The following AGPS variants were observed in gnomAD, a reference collection of about 807,000 sequenced individuals.
AGPS encodes alkylglycerone phosphate synthase, also known as alkyldihydroxyacetonephosphate synthase, peroxisomal.
Under a neutral mutation model 90.7 loss-of-function variants are expected in AGPS, and 26 were observed. That is an observed-to-expected ratio of 0.29 (90% CI 0.21 to 0.40). The LOEUF is 0.40. Ranked by LOEUF, AGPS falls within the 10% of genes least tolerant of loss-of-function variation. The pLI, the probability that AGPS is intolerant of heterozygous loss-of-function variation, is 1.00. For missense variants in AGPS, 540 were observed against 816.1 expected, an observed-to-expected ratio of 0.66 and a Z score of 4.12; for synonymous variants, 294 against 285.3, an observed-to-expected ratio of 1.03 and a Z score of -0.31.
chr2:177,462,747 T>TTAC (rs1687337466), intron 9 of AGPS, among the ~76,000 whole-genome samples: 1 of 152,230 alleles, frequency 6.6e-6, no homozygotes, highest in Non-Finnish European at 1.5e-5. Flanking sequence ...TACATTGTAT[T>TTAC]ATTCATAAAT....
At chr2:177,487,294 A>G (rs76732240) in intron 11 of AGPS, among the ~76,000 whole-genome samples, 67 of 152,242 alleles carry the variant, frequency 4.4e-4, no homozygotes, top group African/African-American at 1.6e-3. Flanking sequence ...GGTATTGATT[A>G]GTACTCATTC....
At position 177,491,758 on chromosome 2, in the gene AGPS, CT is replaced by C. The variant is rs1220177808; in HGVS notation, c.1234-1388del. Among the ~76,000 whole-genome samples, 125 of 71,392 alleles carry C rather than the reference CT, an allele frequency of 1.8e-3. 1 individual carries two copies. The highest frequency in any genetic ancestry group is 6.4e-3 in the African/African-American group (116 of 18,082). 46.8% of individuals were successfully genotyped at this position (71,392 alleles called of 152,430 possible). ...ACTACACTAAATGTAATATACTTTC[CT>C]TCCCCCCCCCCCCCTTTTTTTTCAT... On this transcript the variant is annotated intron_variant, in intron 11 of 19. Coordinates refer to ENST00000264167, the MANE Select transcript of AGPS (RefSeq NM_003659.4).
chr2:177,421,545 T>C (rs1323100216), intron 2 of AGPS, among the ~76,000 whole-genome samples: 1 of 151,192 alleles, frequency 6.6e-6, no homozygotes, highest in East Asian at 1.9e-4. Context: ...TACATTTGAC[T>C]TTTTTTTTAA....
chr2:177,442,501 G>A lies in AGPS; in HGVS notation c.789+15G>A. The A allele has an allele frequency of 6.4e-7, 1 of 1,572,170 alleles. No homozygotes were observed. The highest frequency in any genetic ancestry group is 8.8e-7 in the Non-Finnish European group (1 of 1,142,424). On this transcript the variant is annotated intron_variant, in intron 7 of 19. Coordinates refer to ENST00000264167, the MANE Select transcript of AGPS (RefSeq NM_003659.4). ...CTTCACAAATGGTATTTAATAATTT[G>A]AGATATATTTAAAACATTTTCTTTA...
chr2:177,439,199 G>T (rs10184625), intron 5 of AGPS, among the ~76,000 whole-genome samples: 12 of 152,140 alleles, frequency 7.9e-5, no homozygotes, highest in African/African-American at 2.7e-4. Context: ...AGGTAGTTGA[G>T]GATAAGCAGT....
At chr2:177,499,574 A>G in intron 13 of AGPS, 44 bp from the exon 14 acceptor site, 1 of 1,224,160 alleles carries the variant, frequency 8.2e-7, no homozygotes. Flanking sequence ...ATTGTTTTGT[A>G]GGATAAGACT....
chr2:177,430,495 A>G (rs1442776254), intron 2 of AGPS, among the ~76,000 whole-genome samples: 2 of 152,160 alleles, frequency 1.3e-5, no homozygotes, highest in African/African-American at 2.4e-5. Context: ...GTGTGGGGTC[A>G]TGAGGGGATC....
Position 177,538,042 on chromosome 2 carries a change from A to G in AGPS, c.1856-32A>G, listed in dbSNP as rs1429244604. On this transcript the variant is annotated intron_variant, in intron 19 of 19. Transcript: ENST00000264167. Reference sequence around the variant, plus strand: ...TGATTGGTTCCCAGTATCATAGCATATATTGAAGCATTTTTGATTTTGTTT... The same window carrying G: ...TGATTGGTTCCCAGTATCATAGCATGTATTGAAGCATTTTTGATTTTGTTT... 7.4e-6 allele frequency: 12 copies of G among 1,612,012 alleles called. No homozygotes were observed. In the South Asian group the frequency reaches 1.3e-4, roughly 18 times the overall value.
intron 8 of AGPS, among the ~76,000 whole-genome samples, chr2:177,460,036 AC>A (rs1687244710): frequency 6.6e-6 from 1 of 152,214 alleles, no homozygotes; most frequent in Non-Finnish European, 1.5e-5. Context: ...AAAGCTGGAA[AC>A]CATCATTCTC....
intron 8 of AGPS, among the ~76,000 whole-genome samples, chr2:177,451,207 TG>T (rs1351073529): frequency 1.3e-5 from 2 of 152,080 alleles, no homozygotes; most frequent in South Asian, 2.1e-4. Context: ...CCTACCACCC[TG>T]GCCTCCCAAA....
At chr2:177,420,487 C>A (rs1276889245) in intron 2 of AGPS, 129 bp downstream of exon 2, 1 of 698,948 alleles carries the variant, frequency 1.4e-6, no homozygotes, top group East Asian at 2.8e-5. Flanking sequence ...GCCATAACTG[C>A]TTTTTGTCTC....
rs187584547 is a variant in AGPS, at chr2:177,460,180, G to C, written c.871-1713G>C. On this transcript the variant is annotated intron_variant, in intron 8 of 19. Coordinates refer to ENST00000264167, the MANE Select transcript of AGPS (RefSeq NM_003659.4). ...GGGCCTGGGGCGCGGTGGGAGGCTA[G>C]GGGAGGGATAACATTAGGAGAAATA... Among the ~76,000 whole-genome samples, 86 of 152,248 alleles carry C rather than the reference G, an allele frequency of 5.6e-4. 1 individual carries two copies. The highest frequency in any genetic ancestry group is 2.0e-3 in the African/African-American group (83 of 41,538).
intron 2 of AGPS, among the ~76,000 whole-genome samples, chr2:177,422,870 A>G (rs985869080): frequency 2.6e-5 from 4 of 152,180 alleles, no homozygotes; most frequent in Non-Finnish European, 5.9e-5. Context: ...ACATTTACAA[A>G]CACTCTTAAG....
At chr2:177,537,953 A>G (rs1220576228) in intron 19 of AGPS, 121 bp from the exon 20 acceptor site, 2 of 1,395,912 alleles carry the variant, frequency 1.4e-6, no homozygotes, top group Admixed American at 3.4e-5. Flanking sequence ...ATAAAGCAAA[A>G]CATTTCTCAT....
intron 1 of AGPS, among the ~76,000 whole-genome samples, chr2:177,400,994 T>C (rs1375061914): frequency 6.6e-6 from 1 of 152,246 alleles, no homozygotes; most frequent in Non-Finnish European, 1.5e-5. Context: ...TAGTCACATA[T>C]ACTATGGAGT....
intron 9 of AGPS, 51 bp from the exon 10 acceptor site, chr2:177,468,365 C>T: frequency 9.4e-7 from 1 of 1,067,950 alleles, no homozygotes; most frequent in Non-Finnish European, 1.5e-6. Context: ...TACATAGACA[C>T]ACATTCACTA....
At chr2:177,445,492 T>G in intron 7 of AGPS, 54 bp from the exon 8 acceptor site, 113 of 1,415,746 alleles carry the variant, frequency 8.0e-5, no homozygotes, top group Middle Eastern at 1.8e-4. Context: ...TTATATTTCC[T>G]GAGAAAATAT....
At chr2:177,504,974 G>A (rs1292246405) in intron 14 of AGPS, among the ~76,000 whole-genome samples, 2 of 152,048 alleles carry the variant, frequency 1.3e-5, no homozygotes, top group South Asian at 4.1e-4. Context: ...TATGTTCATA[G>A]TAGTAAGACC....
At chr2:177,519,056 C>T (rs1393014108) in intron 17 of AGPS, among the ~76,000 whole-genome samples, 1 of 152,110 alleles carries the variant, frequency 6.6e-6, no homozygotes, top group Non-Finnish European at 1.5e-5. Flanking sequence ...GCTTTCACAG[C>T]AGTGATAGCC....
Sources: gnomAD v4.1 joint callset for allele counts (sites outside exome capture counted in the v4.1 genomes callset) on GRCh38, gnomAD v4.1.1 for gene constraint, MANE v1.5 for transcripts, NCBI Gene and HGNC (gene_info 2026-07-23, HGNC 2026-07-21) for gene names.